Variants in GFRA1 observed in about 807,000 individuals in gnomAD.
GFRA1 encodes the protein GDNF family receptor alpha-1.
GFRA1 carries 16 observed loss-of-function variants against 51.6 expected under a neutral mutation model. That is an observed-to-expected ratio of 0.31 (90% CI 0.21 to 0.47). GFRA1 has a LOEUF of 0.47. Ranked by LOEUF, GFRA1 falls within the 20% of genes least tolerant of loss-of-function variation. The pLI, the probability that GFRA1 is intolerant of heterozygous loss-of-function variation, is 1.00. For synonymous variants in GFRA1, 270 were observed against 241.3 expected, an observed-to-expected ratio of 1.12 and a Z score of -1.10; for missense variants, 530 against 594.3, an observed-to-expected ratio of 0.89 and a Z score of 1.13.
intron 5 of GFRA1, among the ~76,000 whole-genome samples, chr10:116,167,310 C>T (rs1188587718): frequency 6.6e-6 from 1 of 152,140 alleles, no homozygotes; most frequent in Non-Finnish European, 1.5e-5. Context: ...CCCAGCATTG[C>T]AGGTGGGGCT....
At chr10:116,168,575 A>G (rs1960722567) in intron 5 of GFRA1, among the ~76,000 whole-genome samples, 1 of 152,126 alleles carries the variant, frequency 6.6e-6, no homozygotes, top group Admixed American at 6.5e-5. Flanking sequence ...AGGAGGAAGT[A>G]TCATGCTGGT....
intron 4 of GFRA1, among the ~76,000 whole-genome samples, chr10:116,226,091 GT>G (rs1966275685): frequency 6.6e-6 from 1 of 152,086 alleles, no homozygotes; most frequent in Admixed American, 6.6e-5. Context: ...GATCCCCAAG[GT>G]TTTGGAGGGG....
In GFRA1 at chr10:116,196,698, A is replaced by T. The variant is rs536808317; in HGVS notation, c.433+14933T>A. On this transcript the variant is annotated intron_variant, in intron 5 of 10. Transcript: ENST00000355422. ...ATATATAATATATAGTACTATATAT[A>T]ATATATATTATATATAGTACTATAT... Among the ~76,000 whole-genome samples, 248 of 48,078 alleles carry T rather than the reference A, an allele frequency of 5.2e-3. 30 individuals carry two copies. The highest frequency in any genetic ancestry group is 0.026 in the African/African-American group (227 of 8,860). 31.5% of individuals were successfully genotyped at this position (48,078 alleles called of 152,430 possible).
chr10:116,246,957 C>A (rs1482744682), intron 4 of GFRA1, among the ~76,000 whole-genome samples: 1 of 152,094 alleles, frequency 6.6e-6, no homozygotes, highest in African/African-American at 2.4e-5. Context: ...GAATGCCCAT[C>A]AAGAGTGGAA....
At chr10:116,246,227 C>T (rs1295913375) in intron 4 of GFRA1, among the ~76,000 whole-genome samples, 4 of 152,094 alleles carry the variant, frequency 2.6e-5, no homozygotes, top group Non-Finnish European at 5.9e-5. Context: ...GTCAGGAGTT[C>T]GAGACCAGCC....
intron 4 of GFRA1, among the ~76,000 whole-genome samples, chr10:116,244,297 G>A (rs57742101): frequency 6.7e-6 from 1 of 148,780 alleles, no homozygotes; most frequent in Non-Finnish European, 1.5e-5. Context: ...TCATCAAAAA[G>A]AAGAAAAATT....
In GFRA1 at chr10:116,061,289, T is replaced by G. The variant is rs915202122; in HGVS notation, c.*3109A>C. ...AATGGAAACCACACTCCTATCACAT[T>G]CTAGATCGTTTGCTATACTTCATGA... On this transcript the variant is annotated 3_prime_UTR_variant, in exon 11 of 11. Transcript: ENST00000355422. The G allele has an allele frequency of 6.6e-6, 1 of 151,694 alleles. No individual in the cohort carries two copies. The highest frequency in any genetic ancestry group is 1.5e-5 in the Non-Finnish European group (1 of 67,968). The allele number at this position is 151,694 out of a possible 1,614,324, so 9.4% of individuals were successfully genotyped here.
At chr10:116,233,616 G>C (rs1966816847) in intron 4 of GFRA1, among the ~76,000 whole-genome samples, 1 of 152,142 alleles carries the variant, frequency 6.6e-6, no homozygotes, top group Non-Finnish European at 1.5e-5. Context: ...AAGCTCCCTG[G>C]AGGCAGAGCC....
chr10:116,250,841 C>T (rs545717114), intron 4 of GFRA1, among the ~76,000 whole-genome samples: 3 of 152,298 alleles, frequency 2.0e-5, no homozygotes, highest in South Asian at 2.1e-4. Context: ...CACAGGGCAG[C>T]GGAAGGAGAT....
chr10:116,102,501 GA>G (rs1956856054), intron 6 of GFRA1, among the ~76,000 whole-genome samples: 1 of 152,160 alleles, frequency 6.6e-6, no homozygotes, highest in African/African-American at 2.4e-5. Flanking sequence ...TTATGCTGCT[GA>G]AAAAGACATA....
At chr10:116,213,485 G>T (rs1025396973) in intron 4 of GFRA1, among the ~76,000 whole-genome samples, 1 of 152,104 alleles carries the variant, frequency 6.6e-6, no homozygotes, top group South Asian at 2.1e-4. Context: ...GGAATTCAGG[G>T]TCACCTTTTT....
At chr10:116,116,244 C>G (rs953928724) in intron 6 of GFRA1, among the ~76,000 whole-genome samples, 1 of 152,174 alleles carries the variant, frequency 6.6e-6, no homozygotes, top group South Asian at 2.1e-4. Context: ...ACAGGTGCAG[C>G]AATGTACTCT....
intron 5 of GFRA1, among the ~76,000 whole-genome samples, chr10:116,174,540 A>G (rs1203630147): frequency 6.6e-6 from 1 of 152,196 alleles, no homozygotes; most frequent in African/African-American, 2.4e-5. Context: ...AATGACCTAA[A>G]ACAGATTTGA....
Position 116,272,263 on chromosome 10 carries a change from G to A in GFRA1, c.-234C>T. ...AGGCGGTTCCGCTTTTAGGGGTTCAGGTCCGACCCAACCTGGAAGGGAGGG... is the reference window on the plus strand; with the variant it reads ...AGGCGGTTCCGCTTTTAGGGGTTCAAGTCCGACCCAACCTGGAAGGGAGGG... On this transcript the variant is annotated 5_prime_UTR_variant, in exon 2 of 11. Transcript: ENST00000355422. The surrounding 1 kb of genome is among the most constrained non-coding windows in gnomAD (Gnocchi z 4.4). 1.7e-6 allele frequency: 1 copy of A among 595,534 alleles called. No individual in the cohort carries two copies. Among genetic ancestry groups the A allele is most frequent in the Non-Finnish European group, 3.0e-6 (1 of 333,946 alleles). The allele number at this position is 595,534 out of a possible 1,614,324, so 36.9% of individuals were successfully genotyped here.
At chr10:116,171,160 A>C (rs1960984642) in intron 5 of GFRA1, among the ~76,000 whole-genome samples, 1 of 152,240 alleles carries the variant, frequency 6.6e-6, no homozygotes, top group Non-Finnish European at 1.5e-5. Flanking sequence ...TTAGAATGAA[A>C]GCAAAACCTG....
intron 6 of GFRA1, among the ~76,000 whole-genome samples, chr10:116,120,861 C>T (rs530044078): frequency 5.9e-5 from 9 of 152,328 alleles, no homozygotes; most frequent in African/African-American, 1.9e-4. Context: ...GGCCACTAAA[C>T]CACCAAGCAC....
chr10:116,092,194 A>G (rs1956378892), intron 8 of GFRA1, among the ~76,000 whole-genome samples: 1 of 151,716 alleles, frequency 6.6e-6, no homozygotes, highest in South Asian at 2.1e-4. Flanking sequence ...GTATGCCCCA[A>G]TGTCGTAGTG....
rs762303101 is a variant in GFRA1, at chr10:116,063,753, A to G, written c.*645T>C. 1 of 152,392 alleles carries G rather than the reference A, an allele frequency of 6.6e-6. No individual in the cohort carries two copies. The highest frequency in any genetic ancestry group is 1.5e-5 in the Non-Finnish European group (1 of 68,240). 9.4% of individuals were successfully genotyped at this position (152,392 alleles called of 1,614,324 possible). On this transcript the variant is annotated 3_prime_UTR_variant, in exon 11 of 11. Coordinates refer to ENST00000355422, the MANE Select transcript of GFRA1 (RefSeq NM_005264.8). ...ACGAAAAGACAGATACTATATTTGGATGTGACAGGTGTTTTTTCTTTTGTA... is the reference window on the plus strand; with the variant it reads ...ACGAAAAGACAGATACTATATTTGGGTGTGACAGGTGTTTTTTCTTTTGTA...
chr10:116,270,433 C>A (rs1264253216), intron 3 of GFRA1, among the ~76,000 whole-genome samples: 1 of 152,196 alleles, frequency 6.6e-6, no homozygotes, highest in Non-Finnish European at 1.5e-5. Flanking sequence ...GGAGTCCAGA[C>A]CAGATGCAGG....
Sources: allele counts gnomAD v4.1 joint callset (sites outside exome capture counted in the v4.1 genomes callset), GRCh38; gene constraint gnomAD v4.1.1; non-coding constraint Gnocchi (gnomAD v3.1); transcripts MANE v1.5; gene names NCBI Gene and HGNC (gene_info 2026-07-23, HGNC 2026-07-21).